PLCB4: variants seen among roughly 807,000 people sequenced by gnomAD.
PLCB4 encodes 1-phosphatidylinositol 4,5-bisphosphate phosphodiesterase beta-4.
A neutral mutation model predicts 178.8 loss-of-function variants in PLCB4; 77 were observed. The observed-to-expected ratio is 0.43, with a 90% CI of 0.36 to 0.52. PLCB4 has a LOEUF of 0.52. Among genes scored for constraint, PLCB4 ranks in the 20% least tolerant of loss-of-function variants. The pLI is 0.00. For missense variants in PLCB4, 1,024 were observed against 1,453.4 expected, an observed-to-expected ratio of 0.70 and a Z score of 4.80; for synonymous variants, 496 against 490.8, an observed-to-expected ratio of 1.01 and a Z score of -0.14.
chr20:9,430,602 A>G (rs889156762), intron 28 of PLCB4, among the ~76,000 whole-genome samples: 4 of 152,218 alleles, frequency 2.6e-5, no homozygotes, highest in African/African-American at 9.6e-5. Context: ...AAGTAATGAT[A>G]TTTATCCAGC....
intron 28 of PLCB4, among the ~76,000 whole-genome samples, chr20:9,425,841 A>T (rs2299677): frequency 0.16 from 23,786 of 152,244 alleles, 3,116 homozygotes; most frequent in African/African-American, 0.34. Flanking sequence ...GGTGTCAGGG[A>T]CTTCCCTGTA....
intron 2 of PLCB4, among the ~76,000 whole-genome samples, chr20:9,149,585 A>G (rs1227763224): frequency 6.6e-6 from 1 of 152,216 alleles, no homozygotes; most frequent in Non-Finnish European, 1.5e-5. Flanking sequence ...GGACATAACA[A>G]TGGAAACTCT....
chr20:9,101,607 C>A (rs2146633418), intron 2 of PLCB4, among the ~76,000 whole-genome samples: 1 of 152,274 alleles, frequency 6.6e-6, no homozygotes, highest in African/African-American at 2.4e-5. Context: ...CTCATTCAGC[C>A]ACATAAATCT....
At chr20:9,127,671 TATCTATCTATCTATCCATCC>T (rs2092155403) in intron 2 of PLCB4, among the ~76,000 whole-genome samples, 1 of 132,198 alleles carries the variant, frequency 7.6e-6, no homozygotes, top group Non-Finnish European at 1.7e-5. Flanking sequence ...TCTATCTATC[TATCTATCTATCTATCCATCC>T]ATCCATCTAT....
At chr20:9,268,376 G>A (rs1312046541) in intron 3 of PLCB4, among the ~76,000 whole-genome samples, 1 of 152,128 alleles carries the variant, frequency 6.6e-6, no homozygotes, top group Non-Finnish European at 1.5e-5. Context: ...GCTCCAGGCT[G>A]ATATCCCATT....
intron 7 of PLCB4, among the ~76,000 whole-genome samples, chr20:9,347,516 C>A (rs1392424569): frequency 6.6e-6 from 1 of 152,124 alleles, no homozygotes; most frequent in African/African-American, 2.4e-5. Flanking sequence ...ATGAAAGATA[C>A]CTGTTTGTTC....
chr20:9,315,423 G>A (rs1211679434), intron 4 of PLCB4, among the ~76,000 whole-genome samples: 4 of 152,194 alleles, frequency 2.6e-5, no homozygotes, highest in African/African-American at 4.8e-5. Flanking sequence ...GGGAGTGTAT[G>A]GTCCAGCGGC....
chr20:9,402,378 A>C (rs1296418541), intron 20 of PLCB4, among the ~76,000 whole-genome samples: 1 of 152,218 alleles, frequency 6.6e-6, no homozygotes, highest in African/African-American at 2.4e-5. Context: ...AAGGGCTGTG[A>C]GTAGAGTGGC....
intron 3 of PLCB4, among the ~76,000 whole-genome samples, chr20:9,234,427 G>C (rs941946596): frequency 6.6e-6 from 1 of 152,116 alleles, no homozygotes; most frequent in Non-Finnish European, 1.5e-5. Flanking sequence ...ATAGAGGTGG[G>C]TCACTCAAAC....
At chr20:9,132,838 G>A (rs561693603) in intron 2 of PLCB4, among the ~76,000 whole-genome samples, 1 of 152,054 alleles carries the variant, frequency 6.6e-6, no homozygotes, top group Non-Finnish European at 1.5e-5. Context: ...TGCTTCTAGG[G>A]GCATCTGACA....
chr20:9,317,145 A>C (rs1000631022), intron 4 of PLCB4, among the ~76,000 whole-genome samples: 2 of 152,244 alleles, frequency 1.3e-5, no homozygotes, highest in Non-Finnish European at 2.9e-5. Flanking sequence ...ATTAGAAGAC[A>C]AACAATGCCA....
At chr20:9,146,202 C>T (rs151167679) in intron 2 of PLCB4, among the ~76,000 whole-genome samples, 241 of 152,164 alleles carry the variant, frequency 1.6e-3, no homozygotes, top group African/African-American at 5.1e-3. Flanking sequence ...AGAATTGTTT[C>T]GGTGGGGGTG....
chr20:9,372,281 A>C, intron 10 of PLCB4, 22 bp from the exon 11 acceptor site: 2 of 1,367,986 alleles, frequency 1.5e-6, no homozygotes, highest in Non-Finnish European at 2.1e-6. Flanking sequence ...TGTGATTCAT[A>C]ACATGATTTT....
At chr20:9,116,072 A>AT (rs2091767593) in intron 2 of PLCB4, among the ~76,000 whole-genome samples, 2 of 143,720 alleles carry the variant, frequency 1.4e-5, no homozygotes, top group African/African-American at 5.9e-5. Flanking sequence ...AGAAATGTGA[A>AT]TATATATATA....
intron 3 of PLCB4, among the ~76,000 whole-genome samples, chr20:9,243,625 A>G (rs1214905366): frequency 6.6e-6 from 1 of 152,204 alleles, no homozygotes; most frequent in Non-Finnish European, 1.5e-5. Flanking sequence ...TGAAAAGCGC[A>G]TAGCCTTTTG....
At chr20:9,144,785 G>T (rs1353095625) in intron 2 of PLCB4, among the ~76,000 whole-genome samples, 2 of 142,658 alleles carry the variant, frequency 1.4e-5, no homozygotes, top group African/African-American at 5.2e-5. Flanking sequence ...GGGGGAGGAG[G>T]GGTAGGAGGA....
intron 2 of PLCB4, among the ~76,000 whole-genome samples, chr20:9,182,740 C>G (rs2093267997): frequency 6.6e-6 from 1 of 152,182 alleles, no homozygotes; most frequent in Admixed American, 6.5e-5. Context: ...AGTGCTGAAA[C>G]CTTGGCCCTC....
intron 38 of PLCB4, among the ~76,000 whole-genome samples, chr20:9,473,903 A>C (rs1603100466): frequency 6.6e-6 from 1 of 152,164 alleles, no homozygotes; most frequent in African/African-American, 2.4e-5. Flanking sequence ...AAGACACTAA[A>C]TAAAGAAATA....
intron 7 of PLCB4, 115 bp downstream of exon 7, chr20:9,339,152 G>GCA (rs1156280526): frequency 3.8e-6 from 3 of 790,088 alleles, no homozygotes; most frequent in Non-Finnish European, 4.0e-6. Context: ...TTAAAAGTTA[G>GCA]CATTGCTTTG....
Sources: allele counts gnomAD v4.1 joint callset (sites outside exome capture counted in the v4.1 genomes callset), GRCh38; gene constraint gnomAD v4.1.1; transcripts MANE v1.5; gene names NCBI Gene and HGNC (gene_info 2026-07-23, HGNC 2026-07-21).